The following CHRNA1 variants were observed in gnomAD, a reference collection of about 807,000 sequenced individuals.
CHRNA1 encodes cholinergic receptor nicotinic alpha 1 subunit.
Under a neutral mutation model 47.1 loss-of-function variants are expected in CHRNA1, and 35 were observed. The ratio of observed to expected loss-of-function variants is 0.74; its 90% CI spans 0.57 to 0.99. The LOEUF is 0.99. CHRNA1 is among the 50% of genes least tolerant of loss of function. The pLI, the probability that CHRNA1 is intolerant of heterozygous loss-of-function variation, is 0.00. For missense variants in CHRNA1, 506 were observed against 591.1 expected (o/e 0.86, Z 1.49); for synonymous variants, 229 against 223.6 (o/e 1.02, Z -0.22).
chr2:174,755,643 C>A (rs1683967916), intron 4 of CHRNA1, among the ~76,000 whole-genome samples: 1 of 152,126 alleles, frequency 6.6e-6, no homozygotes, highest in South Asian at 2.1e-4. Flanking sequence ...TGGTCTTGAT[C>A]TCCTGACCTT....
rs1574006599 is a variant in CHRNA1 at position 174,753,642 on chromosome 2, G to A, written c.639C>T (p.Cys213=). 4 of 1,614,108 alleles carry A rather than the reference G, an allele frequency of 2.5e-6. No homozygotes were observed. Among genetic ancestry groups the A allele is most frequent in the Non-Finnish European group, 2.5e-6 (3 of 1,180,016 alleles). ...GWKHSVTYSC[C]PDTPYLDITY... ...TGATGTCCAGGTAGGGGGTGTCGGG[G>A]CAGCAGGAATAGGTCACGGAGTGCT... The change falls in exon 6 of 9, where the codon TGC becomes TGT. Residue 213 remains cysteine, a synonymous_variant. Transcript: ENST00000348749.
rs376123739 is a variant in CHRNA1, at chr2:174,748,022, C to T, written c.*102G>A. Reference sequence around the variant, plus strand: ...TCAATAATAAGTATGGAATATAACACGTTTGATAAGTGCGAGTGGAGCAAG... The same window carrying T: ...TCAATAATAAGTATGGAATATAACATGTTTGATAAGTGCGAGTGGAGCAAG... On this transcript the variant is annotated 3_prime_UTR_variant, in exon 9 of 9. Transcript: ENST00000348749. 44 of 1,419,898 alleles carry T rather than the reference C, an allele frequency of 3.1e-5. No individual in the cohort carries two copies. The highest frequency in any genetic ancestry group is 1.1e-4 in the Admixed American group (6 of 56,990). 88.0% of individuals were successfully genotyped at this position (1,419,898 alleles called of 1,614,324 possible).
chr2:174,758,453 A>G (rs1265073282), intron 3 of CHRNA1, among the ~76,000 whole-genome samples: 4 of 152,150 alleles, frequency 2.6e-5, no homozygotes, highest in African/African-American at 9.7e-5. Flanking sequence ...CTGAAATCCA[A>G]AATGCTCCGA....
chr2:174,760,270 T>C (rs928992831), intron 1 of CHRNA1, among the ~76,000 whole-genome samples: 1 of 152,220 alleles, frequency 6.6e-6, no homozygotes, highest in Admixed American at 6.5e-5. Flanking sequence ...TTATTTACCA[T>C]AGCCAAAGGG....
intron 4 of CHRNA1, among the ~76,000 whole-genome samples, chr2:174,756,358 C>T (rs1384747178): frequency 6.6e-6 from 1 of 152,152 alleles, no homozygotes; most frequent in Non-Finnish European, 1.5e-5. Flanking sequence ...ATGTTGGTCC[C>T]TCATGTCATA....
In CHRNA1 at chr2:174,759,288, T is replaced by C; in HGVS notation, c.234+43A>G. On this transcript the variant is annotated intron_variant, in intron 3 of 8. Coordinates refer to ENST00000348749, the MANE Select transcript of CHRNA1 (RefSeq NM_000079.4). ...CCTCTGGGCCCAGGTTTAATTTCAG[T>C]GTGAATGAAAACGACACACATGCAA... The C allele has an allele frequency of 1.9e-6, 3 of 1,599,170 alleles. No homozygotes were observed. The South Asian group carries it at 3.3e-5, about 18-fold the overall frequency.
intron 6 of CHRNA1, among the ~76,000 whole-genome samples, chr2:174,752,117 A>T (rs1574005176): frequency 6.6e-6 from 1 of 150,664 alleles, no homozygotes; most frequent in African/African-American, 2.4e-5. Context: ...TAATCCTAAC[A>T]CCCCGGGAGG....
intron 1 of CHRNA1, among the ~76,000 whole-genome samples, chr2:174,761,001 G>A (rs1484401334): frequency 6.6e-6 from 1 of 152,110 alleles, no homozygotes; most frequent in Non-Finnish European, 1.5e-5. Flanking sequence ...TGAGATTCAG[G>A]GAGGTTGGAC....
At chr2:174,759,961 A>T (rs1007290215) in intron 1 of CHRNA1, among the ~76,000 whole-genome samples, 4 of 140,098 alleles carry the variant, frequency 2.9e-5, no homozygotes, top group Admixed American at 2.7e-4. Context: ...CACACACACG[A>T]AAAAAAAGCC....
At chr2:174,761,144 G>A (rs1333448809) in intron 1 of CHRNA1, among the ~76,000 whole-genome samples, 1 of 152,182 alleles carries the variant, frequency 6.6e-6, no homozygotes, top group African/African-American at 2.4e-5. Context: ...AGAACTGCAA[G>A]TGCCACTATT....
intron 6 of CHRNA1, among the ~76,000 whole-genome samples, chr2:174,751,068 T>TCAG (rs1384776930): frequency 3.2e-4 from 49 of 152,384 alleles, no homozygotes; most frequent in Admixed American, 9.8e-4. Flanking sequence ...AGTGATCTTC[T>TCAG]GATACAGTGG....
intron 1 of CHRNA1, among the ~76,000 whole-genome samples, chr2:174,763,330 GCACA>G (rs59175013): frequency 2.7e-3 from 148 of 55,144 alleles, no homozygotes; most frequent in Admixed American, 0.011. Flanking sequence ...GCACGCGCGC[GCACA>G]CACACACACA....
chr2:174,751,027 G>A (rs1290495055), intron 6 of CHRNA1, among the ~76,000 whole-genome samples: 9 of 152,316 alleles, frequency 5.9e-5, no homozygotes, highest in South Asian at 4.1e-4. Flanking sequence ...GACAAAATCC[G>A]GAAGGCTAAG....
intron 3 of CHRNA1, chr2:174,758,014 T>C: frequency 1.9e-6 from 3 of 1,614,068 alleles, no homozygotes; most frequent in Non-Finnish European, 2.5e-6. Context: ...AGATCTACCA[T>C]GTCACCCTGT....
chr2:174,755,986 TGATC>T (rs1683974450), intron 4 of CHRNA1, among the ~76,000 whole-genome samples: 1 of 150,690 alleles, frequency 6.6e-6, no homozygotes. Context: ...CAATGAGCTA[TGATC>T]ACACCACAAC....
At chr2:174,757,853 AC>A (rs1684013266) in intron 3 of CHRNA1, 178 bp from the exon 4 acceptor site, 1 of 934,798 alleles carries the variant, frequency 1.1e-6, no homozygotes, top group African/African-American at 1.6e-5. Context: ...AATATATAGC[AC>A]TGACGACGTG....
At chr2:174,751,168 G>A (rs1433019096) in intron 6 of CHRNA1, among the ~76,000 whole-genome samples, 1 of 152,170 alleles carries the variant, frequency 6.6e-6, no homozygotes, top group Non-Finnish European at 1.5e-5. Context: ...TACTAAGGGA[G>A]CAGGGATTTC....
At chr2:174,761,405 C>T (rs1001117823) in intron 1 of CHRNA1, among the ~76,000 whole-genome samples, 1 of 152,122 alleles carries the variant, frequency 6.6e-6, no homozygotes, top group African/African-American at 2.4e-5. Context: ...CTTAGCCTCC[C>T]CCAACCAAGC....
intron 5 of CHRNA1, 90 bp downstream of exon 5, chr2:174,754,129 A>T: frequency 8.5e-7 from 1 of 1,180,632 alleles, no homozygotes; most frequent in Non-Finnish European, 1.3e-6. Context: ...TCTAACTGGT[A>T]CTGAGAGCCT....
Sources: allele counts gnomAD v4.1 joint callset (sites outside exome capture counted in the v4.1 genomes callset), GRCh38; gene constraint gnomAD v4.1.1; transcripts MANE v1.5; gene names NCBI Gene and HGNC (gene_info 2026-07-23, HGNC 2026-07-21).